The following PLCB3 variants were observed in gnomAD, a reference collection of about 807,000 sequenced individuals.
PLCB3 encodes phospholipase C beta 3.
Under a neutral mutation model 152.1 loss-of-function variants are expected in PLCB3, and 54 were observed. The observed-to-expected ratio is 0.36, with a 90% CI of 0.29 to 0.45. The LOEUF (loss-of-function observed/expected upper bound fraction) is 0.45. PLCB3 is among the 20% of genes least tolerant of loss of function. The pLI is 1.00. For missense variants in PLCB3, 1,248 were observed against 1,687.5 expected (o/e 0.74, Z 4.56); for synonymous variants, 717 against 698.7 (o/e 1.03, Z -0.41).
Position 64,265,919 on chromosome 11 carries a change from G to A in PLCB3, c.3069G>A (p.Glu1023=). ...CCGCTGATGTGGAGGACACGAAGGA[G>A]GGGGAGGACGAGGCAAAGCGGTATC... ...GGAADVEDTK[E]GEDEAKRYQE... is the part of the protein sequence containing the mutation. The change falls in exon 26 of 31, where the codon GAG becomes GAA. Residue 1023 remains glutamate (E), a synonymous_variant. Coordinates refer to ENST00000279230, the MANE Select transcript of PLCB3 (RefSeq NM_000932.5). 2 of 1,613,428 alleles carry A rather than the reference G, an allele frequency of 1.2e-6. No homozygotes were observed. The highest frequency in any genetic ancestry group is 1.7e-6 in the Non-Finnish European group (2 of 1,179,984).
At chr11:64,264,207 C>G (rs1269804551) in intron 22 of PLCB3, 95 bp downstream of exon 22, 1 of 795,244 alleles carries the variant, frequency 1.3e-6, no homozygotes, top group African/African-American at 1.8e-5. Context: ...CTTCTGGTCT[C>G]TCTAGCGCAG....
chr11:64,260,084 T>G lies in PLCB3; in HGVS notation c.1581T>G (p.Leu527=). The change falls in exon 14 of 31, where the codon CTT becomes CTG. Residue 527 remains leucine (L), a synonymous_variant. Transcript: ENST00000279230. ...PGLSNGEEVG[L]EKPSLEPQKS... is the part of the protein sequence containing the mutation. The stretch of plus-strand genomic sequence containing the variant: ...TGAGCAATGGGGAGGAGGTAGGGCT[T>G]GAGAAGCCCAGCCTGGAGCCTCAGA... 1.2e-5 allele frequency: 19 copies of G among 1,612,148 alleles called. No homozygotes were observed. Among genetic ancestry groups the G allele is most frequent in the Non-Finnish European group, 1.6e-5 (19 of 1,179,368 alleles).
chr11:64,251,988 C>G (rs2031231342), intron 1 of PLCB3, among the ~76,000 whole-genome samples: 1 of 152,114 alleles, frequency 6.6e-6, no homozygotes, highest in African/African-American at 2.4e-5. Context: ...GACTTTGAAC[C>G]CCAATAAACC....
At position 64,266,152 on chromosome 11, in the gene PLCB3, C is replaced by A; in HGVS notation, c.3216C>A (p.Val1072=). Residue 1072 remains valine (V), a synonymous_variant, in exon 27 of 31, where the codon GTC becomes GTA. Transcript: ENST00000279230. The surrounding 1 kb of genome is among the most constrained non-coding windows in gnomAD (Gnocchi z 4.9). ...CTCTGCAGCGGCTCAGGGAGGTCGTCCTTGATGCAAACACAACTCAGTTCA... is the reference window on the plus strand; with the variant it reads ...CTCTGCAGCGGCTCAGGGAGGTCGTACTTGATGCAAACACAACTCAGTTCA... ...RQALQRLREV[V]LDANTTQFKR... The A allele has an allele frequency of 6.2e-7, 1 of 1,614,084 alleles. No homozygotes were observed. Among genetic ancestry groups the A allele is most frequent in the Non-Finnish European group, 8.5e-7 (1 of 1,180,016 alleles).
intron 1 of PLCB3, among the ~76,000 whole-genome samples, chr11:64,253,737 C>T (rs539443239): frequency 3.3e-5 from 5 of 152,350 alleles, no homozygotes; most frequent in Middle Eastern, 3.4e-3. Flanking sequence ...TCCCTGCCCC[C>T]TGCCAGCTGC....
chr11:64,266,342 G>C lies in PLCB3; in HGVS notation c.3294G>C (p.Leu1098=). 1 of 1,613,310 alleles carries C rather than the reference G, an allele frequency of 6.2e-7. No homozygotes were observed. The highest frequency in any genetic ancestry group is 8.5e-7 in the Non-Finnish European group (1 of 1,179,788). ...AGAAGAAGGAGCTGCAGAAGATCCT[G>C]GACAGAAAGCGCCATAACAGCATCT... The part of the protein sequence containing the change: ...EREKKELQKI[L]DRKRHNSISE... Residue 1098 remains leucine, a synonymous_variant, in exon 28 of 31, where the codon CTG becomes CTC. Coordinates refer to ENST00000279230, the MANE Select transcript of PLCB3 (RefSeq NM_000932.5). This position sits in a 1 kb window ranked among gnomAD's most constrained non-coding sequence, Gnocchi z 4.9.
intron 17 of PLCB3, 80 bp from the exon 18 acceptor site, chr11:64,262,327 G>T: frequency 6.5e-7 from 1 of 1,541,688 alleles, no homozygotes; most frequent in South Asian, 1.2e-5. Context: ...GATGCCATCT[G>T]ACCTGATGAT....
Position 64,255,353 on chromosome 11 carries a change from C to A in PLCB3, c.467+40C>A, listed in dbSNP as rs761428492. 1 of 1,613,690 alleles carries A rather than the reference C, an allele frequency of 6.2e-7. No homozygotes were observed. The highest frequency in any genetic ancestry group is 1.1e-5 in the South Asian group (1 of 91,070). On this transcript the variant is annotated intron_variant, in intron 5 of 30. Transcript: ENST00000279230. This position sits in a 1 kb window ranked among gnomAD's most constrained non-coding sequence, Gnocchi z 6.8. Reference sequence around the variant, plus strand: ...ACCCGAGGGGGAGCCGGGGGGTTCACGTGGCCGTTTTCAGGGTGTGACCTC... The same window carrying A: ...ACCCGAGGGGGAGCCGGGGGGTTCAAGTGGCCGTTTTCAGGGTGTGACCTC...
rs566080299 is a variant in PLCB3, at chr11:64,251,592, C to A, written c.-58C>A. On this transcript the variant is annotated 5_prime_UTR_variant, in exon 1 of 31. Transcript: ENST00000279230. ...GGAGCGGGCCGCGCGGTGGGAGCAG[C>A]GGCGCCGTCGGTCCCCGTCAGGGCT... The A allele has an allele frequency of 5.8e-4, 468 of 813,494 alleles. 2 individuals are homozygous for A. The African/African-American group carries it at 7.9e-3, about 14-fold the overall frequency. The allele number at this position is 813,494 out of a possible 1,614,324, so 50.4% of individuals were successfully genotyped here.
intron 13 of PLCB3, 38 bp downstream of exon 13, chr11:64,259,282 T>A: frequency 7.0e-7 from 1 of 1,436,204 alleles, no homozygotes; most frequent in Non-Finnish European, 9.2e-7. Flanking sequence ...GACTTGACCC[T>A]AGCCTCTGGC....
In PLCB3 at chr11:64,267,547, G is replaced by A. The variant is rs774371078; in HGVS notation, c.3696G>A (p.Thr1232=). ...ACTCGGAGAGCCAGGAGGAGAACAC[G>A]CAGCTCTGAACTGGCTGAGCGAGGT... ...GADSESQEEN[T]QL The change falls in exon 31 of 31, where the codon ACG becomes ACA. Residue 1232 remains threonine, a synonymous_variant. Coordinates refer to ENST00000279230, the MANE Select transcript of PLCB3 (RefSeq NM_000932.5). The surrounding 1 kb of genome is among the most constrained non-coding windows in gnomAD (Gnocchi z 5.2). 4.3e-5 allele frequency: 67 copies of A among 1,562,654 alleles called. No homozygotes were observed. In the Middle Eastern group the frequency reaches 8.5e-4, roughly 20 times the overall value.
chr11:64,257,016 T>TTTTTTTTTTTTTTTTTTC (rs771872374), intron 10 of PLCB3, among the ~76,000 whole-genome samples: 3,730 of 119,884 alleles, frequency 0.031, 271 homozygotes, highest in Non-Finnish European at 0.052. Flanking sequence ...TTTTTTTTTT[T>TTTTTTTTTTTTTTTTTTC]TTTTTGAGAC....
Position 64,254,881 on chromosome 11 carries a change from C to T in PLCB3, c.247-17C>T, listed in dbSNP as rs764586961. ...GTGCGGGAGCCCCCTCTTCACCCTT[C>T]GCTGTCACCTACTCAGGACCCCAAG... On this transcript the variant is annotated splice_polypyrimidine_tract_variant and intron_variant, in intron 3 of 30. Transcript: ENST00000279230. The T allele has an allele frequency of 1.9e-5, 30 of 1,612,156 alleles. No individual in the cohort carries two copies. Among genetic ancestry groups the T allele is most frequent in the South Asian group, 7.7e-5 (7 of 90,956 alleles).
chr11:64,255,163 G>A lies in PLCB3; in HGVS notation c.388-71G>A, dbSNP rs1049668901. 5 of 1,527,518 alleles carry A rather than the reference G, an allele frequency of 3.3e-6. No homozygotes were observed. In the East Asian group the frequency reaches 6.8e-5, roughly 21 times the overall value. 94.6% of individuals were successfully genotyped at this position (1,527,518 alleles called of 1,614,324 possible). A position where few individuals can be genotyped will look rare whatever the true frequency, so the allele number is the denominator to read the frequency against. On this transcript the variant is annotated intron_variant, in intron 4 of 30. Transcript: ENST00000279230. The surrounding 1 kb of genome is among the most constrained non-coding windows in gnomAD (Gnocchi z 6.8). ...CCTACTGTGTACCAGAGGCAGTTGT[G>A]GACCTGGGTTGTGGCTGGGCAGCCC...
rs531300386 is a variant in PLCB3, at chr11:64,262,094, C to A, written c.2038+18C>A. ...GACCCTCGGTGAGCCCTGGCCCCCT[C>A]CATCTTGACCCCGACCCTCAGTCTT... On this transcript the variant is annotated intron_variant, in intron 17 of 30. Transcript: ENST00000279230. 2 of 1,613,890 alleles carry A rather than the reference C, an allele frequency of 1.2e-6. No individual in the cohort carries two copies. The highest frequency in any genetic ancestry group is 1.7e-6 in the Non-Finnish European group (2 of 1,179,902).
intron 17 of PLCB3, 30 bp from the exon 18 acceptor site, chr11:64,262,377 C>T: frequency 1.2e-6 from 2 of 1,606,584 alleles, no homozygotes; most frequent in Non-Finnish European, 1.7e-6. Flanking sequence ...CTGATCCCTG[C>T]CCCTGCTCGA....
Position 64,251,761 on chromosome 11 carries a change from G to A in PLCB3, c.99+13G>A. 2 of 1,388,782 alleles carry A rather than the reference G, an allele frequency of 1.4e-6. No homozygotes were observed. Among genetic ancestry groups the A allele is most frequent in the South Asian group, 1.5e-5 (1 of 67,800 alleles). The allele number at this position is 1,388,782 out of a possible 1,614,324, so 86.0% of individuals were successfully genotyped here. A position where few individuals can be genotyped will look rare whatever the true frequency, so the allele number is the denominator to read the frequency against. Reference sequence around the variant, plus strand: ...CAAATGGGACGAGGTAAGCGCGCGGGCCCCTGCTCCGCCCAAATCCCGGGA... The same window carrying A: ...CAAATGGGACGAGGTAAGCGCGCGGACCCCTGCTCCGCCCAAATCCCGGGA... On this transcript the variant is annotated intron_variant, in intron 1 of 30. Coordinates refer to ENST00000279230, the MANE Select transcript of PLCB3 (RefSeq NM_000932.5).
Position 64,255,556 on chromosome 11 carries a change from C to T in PLCB3, c.537C>T (p.Phe179=). Residue 179 remains phenylalanine, a synonymous_variant, in exon 7 of 31, where the codon TTC becomes TTT. Transcript: ENST00000279230. The surrounding 1 kb of genome is among the most constrained non-coding windows in gnomAD (Gnocchi z 6.8). ...CCCGCATCAGCATCCTGAAGATGTT[C>T]TCAGCAGACAAGAAGCGGGTGGAGA... ...RIPVKNILKM[F]SADKKRVETA... is the part of the protein sequence containing the mutation. 6.2e-7 allele frequency: 1 copy of T among 1,613,938 alleles called. No homozygotes were observed. The highest frequency in any genetic ancestry group is 1.7e-5 in the Admixed American group (1 of 60,012).
Position 64,262,501 on chromosome 11 carries a change from C to T in PLCB3, c.2133C>T (p.Ser711=). The T allele has an allele frequency of 6.2e-7, 1 of 1,614,008 alleles. No individual in the cohort carries two copies. The highest frequency in any genetic ancestry group is 1.1e-5 in the South Asian group (1 of 91,090). ...AGTTCATGCGGCGGCCGGACAAGTC[C>T]TTCGACCCCTTCACTGAGGTCATCG... ...KPEFMRRPDK[S]FDPFTEVIVD... Residue 711 remains serine (S), a synonymous_variant, in exon 18 of 31, where the codon TCC becomes TCT. Coordinates refer to ENST00000279230, the MANE Select transcript of PLCB3 (RefSeq NM_000932.5).
Sources: gnomAD v4.1 joint callset for allele counts (sites outside exome capture counted in the v4.1 genomes callset) on GRCh38, gnomAD v4.1.1 for gene constraint, Gnocchi (gnomAD v3.1) non-coding constraint, MANE v1.5 for transcripts, NCBI Gene and HGNC (gene_info 2026-07-23, HGNC 2026-07-21) for gene names.